Variants in NCEH1 observed in about 807,000 individuals in gnomAD.
NCEH1 encodes 2-acetyl MAGE hydrolase.
NCEH1 carries 9 observed loss-of-function variants against 25.4 expected under a neutral mutation model. The observed-to-expected ratio is 0.35, with a 90% CI of 0.21 to 0.62. The LOEUF is 0.62. Among genes scored for constraint, NCEH1 ranks in the 20% least tolerant of loss-of-function variants. The pLI is 0.72. For missense variants in NCEH1, 412 were observed against 501.1 expected (o/e 0.82, Z 1.70); for synonymous variants, 200 against 199.8 (o/e 1.00, Z -0.01).
intron 1 of NCEH1, among the ~76,000 whole-genome samples, chr3:172,662,860 T>G (rs1718032325): frequency 4.4e-5 from 2 of 45,622 alleles, no homozygotes; most frequent in Non-Finnish European, 7.4e-5. Flanking sequence ...CTCTCTTTTC[T>G]TATTAGTCTT....
chr3:172,682,646 A>G (rs989828417), intron 1 of NCEH1, among the ~76,000 whole-genome samples: 1 of 152,232 alleles, frequency 6.6e-6, no homozygotes, highest in Non-Finnish European at 1.5e-5. Context: ...AAGGATGTAT[A>G]ACGTATGTTA....
rs746780446 is a variant in NCEH1 at position 172,646,974 on chromosome 3, T to C, written c.367+912A>G. On this transcript the variant is annotated intron_variant, in intron 2 of 4. Coordinates refer to ENST00000475381, the MANE Select transcript of NCEH1 (RefSeq NM_020792.6). ...AAAGACCTGCAGCCCAGCAAACCCC[T>C]TGGTCTCGGGCAAACCTACATACTC... Among the ~76,000 whole-genome samples, 83 of 152,222 alleles carry C rather than the reference T, an allele frequency of 5.5e-4. 1 individual carries two copies. The highest frequency in any genetic ancestry group is 4.1e-4 in the South Asian group (2 of 4,822).
chr3:172,646,458 G>A (rs1245161393), intron 2 of NCEH1, among the ~76,000 whole-genome samples: 6 of 152,276 alleles, frequency 3.9e-5, no homozygotes, highest in Middle Eastern at 6.8e-3. Context: ...AAATGAACAC[G>A]TAAAAAACTA....
rs986824016 is a variant in NCEH1, at chr3:172,633,428, G to T, written c.*47C>A. Reference sequence around the variant, plus strand: ...AAAAGTGCATGTCTTTCCAAAGCAGGTGTAGGAGGTCAAGAGGGGCTCGAG... The same window carrying T: ...AAAAGTGCATGTCTTTCCAAAGCAGTTGTAGGAGGTCAAGAGGGGCTCGAG... On this transcript the variant is annotated 3_prime_UTR_variant, in exon 5 of 5. Transcript: ENST00000475381. 45 of 1,568,564 alleles carry T rather than the reference G, an allele frequency of 2.9e-5. No individual in the cohort carries two copies. Among genetic ancestry groups the T allele is most frequent in the Non-Finnish European group, 3.8e-5 (44 of 1,153,282 alleles).
At chr3:172,651,165 A>G (rs990606478) in intron 1 of NCEH1, among the ~76,000 whole-genome samples, 7 of 152,274 alleles carry the variant, frequency 4.6e-5, no homozygotes, top group African/African-American at 1.7e-4. Flanking sequence ...TACAGAGAGA[A>G]GAGAACAGAA....
intron 1 of NCEH1, chr3:172,680,738 C>T (rs1258822021): frequency 2.0e-5 from 3 of 152,222 alleles, no homozygotes; most frequent in African/African-American, 7.2e-5. Context: ...AAACAAGGAA[C>T]CCGCAAAGTC....
rs142307917 is a variant in NCEH1 at position 172,689,463 on chromosome 3, T to A, written c.138+21384A>T. Among the ~76,000 whole-genome samples, 387 of 151,520 alleles carry A rather than the reference T, an allele frequency of 2.6e-3. 1 individual carries two copies. The highest frequency in any genetic ancestry group is 8.8e-3 in the African/African-American group (363 of 41,336). ...GGTTTTACCATATTGGCCAGGGTGG[T>A]CTCAAACTCCTGACCTCAGGTGATC... On this transcript the variant is annotated intron_variant, in intron 1 of 4. Coordinates refer to ENST00000475381, the MANE Select transcript of NCEH1 (RefSeq NM_020792.6).
In NCEH1 at chr3:172,633,826, C is replaced by A; in HGVS notation, c.876G>T (p.Leu292Phe). The change falls in exon 5 of 5, where the codon TTG (leucine) becomes TTT (phenylalanine). Residue 292 changes from leucine (L) to phenylalanine (F), a missense_variant. This residue lies in a region of NCEH1 where 210 missense variants were observed against 258.2 expected (regional missense o/e 0.81). Transcript: ENST00000475381. ...VRARLNWTSL[L>F]PASFTKNYKP... ...TGTAGTTCTTTGTGAAGGATGCAGG[C>A]AAGAGGGATGTCCAGTTTAGACGGG... The A allele has an allele frequency of 6.2e-7, 1 of 1,614,204 alleles. No individual in the cohort carries two copies. Among genetic ancestry groups the A allele is most frequent in the Non-Finnish European group, 8.5e-7 (1 of 1,180,046 alleles).
At chr3:172,675,076 G>A (rs1295532450) in intron 1 of NCEH1, among the ~76,000 whole-genome samples, 2 of 152,172 alleles carry the variant, frequency 1.3e-5, no homozygotes, top group Non-Finnish European at 2.9e-5. Flanking sequence ...TTGGGAGGCC[G>A]AGGCGGGCGG....
At chr3:172,703,524 T>G (rs1713813186) in intron 1 of NCEH1, among the ~76,000 whole-genome samples, 2 of 47,786 alleles carry the variant, frequency 4.2e-5, no homozygotes, top group African/African-American at 1.5e-4. Flanking sequence ...CAAGACTCTG[T>G]CTCAAAAAAA....
intron 1 of NCEH1, among the ~76,000 whole-genome samples, chr3:172,707,953 T>C (rs1714099672): frequency 6.6e-6 from 1 of 152,254 alleles, no homozygotes. Context: ...TGGTATGTGG[T>C]GTAACCTGGG....
At chr3:172,673,059 G>A (rs781383233) in intron 1 of NCEH1, among the ~76,000 whole-genome samples, 1 of 152,182 alleles carries the variant, frequency 6.6e-6, no homozygotes, top group Non-Finnish European at 1.5e-5. Flanking sequence ...AAAGGAAGCA[G>A]ACCTCCTTCT....
chr3:172,671,528 C>CACACACATAT (rs145129202), intron 1 of NCEH1, among the ~76,000 whole-genome samples: 3 of 137,050 alleles, frequency 2.2e-5, no homozygotes, highest in African/African-American at 8.2e-5. Flanking sequence ...CACACACACA[C>CACACACATAT]ATATATAGAT....
intron 1 of NCEH1, among the ~76,000 whole-genome samples, chr3:172,665,075 G>T (rs1032490490): frequency 2.0e-5 from 3 of 152,114 alleles, no homozygotes; most frequent in Admixed American, 2.0e-4. Flanking sequence ...TTCTGCTCTG[G>T]TTTCTCCCCA....
Position 172,633,412 on chromosome 3 carries a change from T to G in NCEH1, c.*63A>C. ...AAGAATTAGTCAACTAAAAAGTGCA[T>G]GTCTTTCCAAAGCAGGTGTAGGAGG... On this transcript the variant is annotated 3_prime_UTR_variant, in exon 5 of 5. Coordinates refer to ENST00000475381, the MANE Select transcript of NCEH1 (RefSeq NM_020792.6). 11 of 1,495,514 alleles carry G rather than the reference T, an allele frequency of 7.4e-6. No individual in the cohort carries two copies. The highest frequency in any genetic ancestry group is 1.0e-5 in the Non-Finnish European group (11 of 1,101,514). The allele number at this position is 1,495,514 out of a possible 1,614,324, so 92.6% of individuals were successfully genotyped here. A position where few individuals can be genotyped will look rare whatever the true frequency, so the allele number is the denominator to read the frequency against.
intron 1 of NCEH1, among the ~76,000 whole-genome samples, chr3:172,669,597 C>A (rs1463052969): frequency 1.3e-5 from 2 of 152,170 alleles, no homozygotes; most frequent in Non-Finnish European, 2.9e-5. Flanking sequence ...AGGGCAGTGG[C>A]ACAATCTCGG....
chr3:172,685,532 A>C (rs920303938), intron 1 of NCEH1, among the ~76,000 whole-genome samples: 5 of 152,252 alleles, frequency 3.3e-5, no homozygotes, highest in African/African-American at 4.8e-5. Flanking sequence ...ACAAGCTCTG[A>C]GTCACCCAGT....
At chr3:172,656,626 C>T (rs377519716) in intron 1 of NCEH1, among the ~76,000 whole-genome samples, 8 of 152,020 alleles carry the variant, frequency 5.3e-5, no homozygotes, top group African/African-American at 9.7e-5. Flanking sequence ...ATTAGCCTGG[C>T]GTGGTGATGC....
At chr3:172,691,981 G>C (rs1713087418) in intron 1 of NCEH1, among the ~76,000 whole-genome samples, 1 of 45,802 alleles carries the variant, frequency 2.2e-5, no homozygotes, top group African/African-American at 1.0e-4. Context: ...AAGAAAGAAA[G>C]AAAGAAAGAA....
Sources: gnomAD v4.1 joint callset for allele counts (sites outside exome capture counted in the v4.1 genomes callset) on GRCh38, gnomAD v4.1.1 for gene constraint, gnomAD v4.1.1 regional missense constraint, MANE v1.5 for transcripts, NCBI Gene and HGNC (gene_info 2026-07-23, HGNC 2026-07-21) for gene names.